Variants in BMERB1 observed in about 807,000 individuals in gnomAD.
BMERB1 encodes the protein bMERB domain-containing protein 1.
In BMERB1, 12 loss-of-function variants were observed where a neutral mutation model predicts 23.6. The ratio of observed to expected loss-of-function variants is 0.51; its 90% confidence interval spans 0.33 to 0.82. The LOEUF is 0.82. BMERB1 is among the 40% of genes least tolerant of loss of function. The probability of loss-of-function intolerance (pLI) is 0.03; values close to 1 mark genes in which losing one functional copy is unlikely to be tolerated. For synonymous variants in BMERB1, 122 were observed against 96.6 expected (o/e 1.26, Z -1.54); for missense variants, 247 against 255.4 (o/e 0.97, Z 0.22).
chr16:15,492,574 A>G (rs1026903923), intron 1 of BMERB1, among the ~76,000 whole-genome samples: 1 of 152,324 alleles, frequency 6.6e-6, no homozygotes. Context: ...GCTCAAGGTC[A>G]GCATCAACAG....
intron 2 of BMERB1, among the ~76,000 whole-genome samples, chr16:15,563,675 G>A (rs2030489047): frequency 2.0e-5 from 3 of 152,136 alleles, no homozygotes; most frequent in East Asian, 1.9e-4. Context: ...GAAGTCTTAC[G>A]TGGCTGGAGA....
intron 1 of BMERB1, among the ~76,000 whole-genome samples, chr16:15,462,725 C>T (rs2051146652): frequency 6.6e-6 from 1 of 152,094 alleles, no homozygotes; most frequent in Non-Finnish European, 1.5e-5. Context: ...ATTTAGTTTA[C>T]TGGGATATGG....
At chr16:15,545,251 G>A (rs957959702) in intron 2 of BMERB1, among the ~76,000 whole-genome samples, 1 of 152,114 alleles carries the variant, frequency 6.6e-6, no homozygotes, top group African/African-American at 2.4e-5. Flanking sequence ...AGGATTACAG[G>A]TGTGAGCCAC....
At chr16:15,581,081 T>C in intron 3 of BMERB1, 136 bp from the exon 4 acceptor site, 1 of 610,188 alleles carries the variant, frequency 1.6e-6, no homozygotes. Flanking sequence ...GCCTGGCTAA[T>C]TTTTGTATTT....
rs149674170 is a variant in BMERB1 at position 15,547,759 on chromosome 16, T to C, written c.231-20224T>C. Among the ~76,000 whole-genome samples the C allele has an allele frequency of 2.5e-3, 383 of 152,258 alleles. 3 individuals carry two copies. The highest frequency in any genetic ancestry group is 8.4e-3 in the African/African-American group (350 of 41,554). On this transcript the variant is annotated intron_variant, in intron 2 of 5. Coordinates refer to ENST00000300006, the MANE Select transcript of BMERB1 (RefSeq NM_033201.3). ...CACACAATGAAGGAGATGTTCTTCATTGAGATAATGTGGGTGTCCGAATCA... is the reference window on the plus strand; with the variant it reads ...CACACAATGAAGGAGATGTTCTTCACTGAGATAATGTGGGTGTCCGAATCA...
rs182303615 is a variant in BMERB1 at position 15,533,119 on chromosome 16, C to G, written c.230+17691C>G. On this transcript the variant is annotated intron_variant, in intron 2 of 5. Coordinates refer to ENST00000300006, the MANE Select transcript of BMERB1 (RefSeq NM_033201.3). ...AGATCAAGCATATTAAGTGCTCAGT[C>G]CAGTGCCTGCTACCACGTAAGTGCT... 7 of 401,210 alleles carry G rather than the reference C, an allele frequency of 1.7e-5. No homozygotes were observed. The Admixed American group carries it at 2.2e-4, about 12-fold the overall frequency. 24.9% of individuals were successfully genotyped at this position (401,210 alleles called of 1,614,324 possible).
intron 2 of BMERB1, among the ~76,000 whole-genome samples, chr16:15,546,569 A>G (rs1313490987): frequency 6.6e-6 from 1 of 152,206 alleles, no homozygotes; most frequent in African/African-American, 2.4e-5. Context: ...AAATACCACC[A>G]GACCAACTCA....
Position 15,463,920 on chromosome 16 carries a change from T to C in BMERB1, c.106+29161T>C, listed in dbSNP as rs151317969. Reference sequence around the variant, plus strand: ...GAAGCATAAAACTATTACTGGAAAGTGGTCCTGATCCAGACTGCAAGAGAG... The same window carrying C: ...GAAGCATAAAACTATTACTGGAAAGCGGTCCTGATCCAGACTGCAAGAGAG... On this transcript the variant is annotated intron_variant, in intron 1 of 5. Transcript: ENST00000300006. Among the ~76,000 whole-genome samples, 28 of 150,834 alleles carry C rather than the reference T, an allele frequency of 1.9e-4. 1 individual carries two copies. In the East Asian group the frequency reaches 5.1e-3, roughly 27 times the overall value.
At chr16:15,477,436 T>C (rs1425673948) in intron 1 of BMERB1, among the ~76,000 whole-genome samples, 1 of 152,014 alleles carries the variant, frequency 6.6e-6, no homozygotes, top group Non-Finnish European at 1.5e-5. Flanking sequence ...AGCCAAACCA[T>C]ATCAGCAACA....
intron 1 of BMERB1, among the ~76,000 whole-genome samples, chr16:15,499,542 A>C (rs563379460): frequency 6.6e-6 from 1 of 152,320 alleles, no homozygotes; most frequent in African/African-American, 2.4e-5. Flanking sequence ...CCAGAAAGAA[A>C]TTCCTACAAT....
At chr16:15,574,110 C>A (rs527912515) in intron 3 of BMERB1, among the ~76,000 whole-genome samples, 2 of 151,092 alleles carry the variant, frequency 1.3e-5, no homozygotes, top group Non-Finnish European at 2.9e-5. Context: ...AGGAAACTTA[C>A]AATCATGGTG....
chr16:15,478,253 G>A (rs1046915962), intron 1 of BMERB1, among the ~76,000 whole-genome samples: 7 of 152,054 alleles, frequency 4.6e-5, no homozygotes, highest in African/African-American at 9.7e-5. Context: ...TGCCTCTCCC[G>A]GGTTCAAGCG....
At chr16:15,511,935 C>G (rs1292795864) in intron 1 of BMERB1, among the ~76,000 whole-genome samples, 1 of 139,704 alleles carries the variant, frequency 7.2e-6, no homozygotes, top group East Asian at 2.3e-4. Flanking sequence ...ATTGCTGGAG[C>G]CTGGGAGGCA....
At chr16:15,466,687 C>T (rs1199992182) in intron 1 of BMERB1, among the ~76,000 whole-genome samples, 2 of 150,446 alleles carry the variant, frequency 1.3e-5, no homozygotes, top group Non-Finnish European at 3.0e-5. Context: ...ATCCATTCAT[C>T]CTATTCAGAT....
In BMERB1 at chr16:15,587,549, C is replaced by T. The variant is rs3182975; in HGVS notation, c.*720C>T. On this transcript the variant is annotated 3_prime_UTR_variant, in exon 6 of 6. Transcript: ENST00000300006. ...CCTGGACTGGCATGGATCCAGTGTG[C>T]AGAAGAGCCAGCAGGGAACCGGAAG... The T allele has an allele frequency of 2.2e-6, 1 of 452,544 alleles. No individual in the cohort carries two copies. Among genetic ancestry groups the T allele is most frequent in the Admixed American group, 2.4e-5 (1 of 42,380 alleles). The allele number at this position is 452,544 out of a possible 1,614,324, so 28.0% of individuals were successfully genotyped here.
chr16:15,532,846 G>T, intron 2 of BMERB1: 1 of 375,332 alleles, frequency 2.7e-6, no homozygotes, highest in South Asian at 2.0e-5. Flanking sequence ...CGCCTGGCCA[G>T]ATCCCTGTTT....
At chr16:15,444,485 C>G (rs1355335575) in intron 1 of BMERB1, among the ~76,000 whole-genome samples, 2 of 152,026 alleles carry the variant, frequency 1.3e-5, no homozygotes, top group Non-Finnish European at 2.9e-5. Context: ...GTTTCCTCAT[C>G]TGTAAAATGG....
chr16:15,436,194 T>A (rs1424079736), intron 1 of BMERB1, among the ~76,000 whole-genome samples: 1 of 151,782 alleles, frequency 6.6e-6, no homozygotes, highest in Non-Finnish European at 1.5e-5. Context: ...TTACAAACAA[T>A]CCAATTACAC....
chr16:15,524,856 C>T (rs767263309), intron 2 of BMERB1, among the ~76,000 whole-genome samples: 9 of 152,260 alleles, frequency 5.9e-5, no homozygotes, highest in Non-Finnish European at 7.3e-5. Flanking sequence ...GAACAAGTTT[C>T]GAGAAGGAAA....
Sources: allele counts gnomAD v4.1 joint callset (sites outside exome capture counted in the v4.1 genomes callset), GRCh38; gene constraint gnomAD v4.1.1; transcripts MANE v1.5; gene names NCBI Gene and HGNC (gene_info 2026-07-23, HGNC 2026-07-21).